Variants in EIF4G2 observed in about 807,000 individuals in gnomAD.
EIF4G2 encodes the protein eukaryotic translation initiation factor 4 gamma 2, also known as DAP-5.
In EIF4G2, 8 loss-of-function variants were observed where a neutral mutation model predicts 117.7. The observed-to-expected ratio is 0.07, with a 90% CI of 0.04 to 0.12. The LOEUF is 0.12. EIF4G2 is among the 10% of genes least tolerant of loss of function. EIF4G2 has a pLI of 1.00. For missense variants in EIF4G2, 812 were observed against 1,086.2 expected (o/e 0.75, Z 3.55); for synonymous variants, 413 against 367.8 (o/e 1.12, Z -1.41).
At position 10,805,925 on chromosome 11, in the gene EIF4G2, A is replaced by G; in HGVS notation, c.230T>C (p.Ile77Thr). The G allele has an allele frequency of 6.2e-7, 1 of 1,614,172 alleles. No individual in the cohort carries two copies. The highest frequency in any genetic ancestry group is 8.5e-7 in the Non-Finnish European group (1 of 1,180,032). Reference sequence around the variant, plus strand: ...AACTTACCCTCTTACTTTCCTGAAGATTGCATCATGTCGTTCTTTTTCGTT... The same window carrying G: ...AACTTACCCTCTTACTTTCCTGAAGGTTGCATCATGTCGTTCTTTTTCGTT... Residue 77 changes from isoleucine (I) to threonine (T), a missense_variant, in exon 4 of 22, where the codon ATC becomes ACC. Physicochemically the swap from Ile to Thr is moderately conservative, Grantham distance 89. This residue lies in a region of EIF4G2 where 154 missense variants were observed against 322.1 expected (regional missense o/e 0.48). Coordinates refer to ENST00000339995, the MANE Select transcript of EIF4G2 (RefSeq NM_001418.4).
At position 10,808,918 on chromosome 11, in the gene EIF4G2, A is replaced by G. The variant is rs1203826762; in HGVS notation, c.-300T>C. The G allele has an allele frequency of 6.5e-6, 1 of 154,508 alleles. No individual in the cohort carries two copies. The highest frequency in any genetic ancestry group is 1.9e-4 in the East Asian group (1 of 5,184). The allele number at this position is 154,508 out of a possible 1,614,324, so 9.6% of individuals were successfully genotyped here. A position where few individuals can be genotyped will look rare whatever the true frequency, so the allele number is the denominator to read the frequency against. On this transcript the variant is annotated 5_prime_UTR_variant, in exon 1 of 22. Transcript: ENST00000339995. ...TGCCACCTCCATAGAGCTCCGACTC[A>G]CTGCTGGCGCTAAGGCGTGTCTGAA...
At position 10,803,440 on chromosome 11, in the gene EIF4G2, G is replaced by A. The variant is rs552839343; in HGVS notation, c.813+40C>T. The A allele has an allele frequency of 3.1e-6, 5 of 1,588,186 alleles. No homozygotes were observed. The highest frequency in any genetic ancestry group is 2.2e-5 in the South Asian group (2 of 90,250). The stretch of plus-strand genomic sequence containing the variant: ...ACAAAAATCAATAGCTTGATTTAAA[G>A]ACAAACTACTTGTACTACTTTCATC... On this transcript the variant is annotated intron_variant, in intron 9 of 21. Transcript: ENST00000339995. This position sits in a 1 kb window ranked among gnomAD's most constrained non-coding sequence, Gnocchi z 4.0.
intron 1 of EIF4G2, 125 bp downstream of exon 1, chr11:10,808,580 C>CT (rs1847665458): frequency 1.1e-6 from 1 of 942,708 alleles, no homozygotes; most frequent in Non-Finnish European, 1.3e-6. Context: ...AGAGGAAATG[C>CT]TAAAAAAGGG....
At chr11:10,801,328 AAT>A (rs1289688664) in intron 14 of EIF4G2, 2 of 636,296 alleles carry the variant, frequency 3.1e-6, no homozygotes, top group African/African-American at 3.6e-5. Context: ...GCATGACTAA[AAT>A]ATTCAAATAA....
chr11:10,804,469 C>T (rs2135416729), intron 5 of EIF4G2, 51 bp from the exon 6 acceptor site: 3 of 1,527,324 alleles, frequency 2.0e-6, no homozygotes, highest in Non-Finnish European at 1.8e-6. Context: ...CTCCAAGAAC[C>T]CTTCCTTTAG....
In EIF4G2 at chr11:10,800,570, A is replaced by T; in HGVS notation, c.1722T>A (p.Pro574=). 1 of 1,614,194 alleles carries T rather than the reference A, an allele frequency of 6.2e-7. No homozygotes were observed. Among genetic ancestry groups the T allele is most frequent in the South Asian group, 1.1e-5 (1 of 91,084 alleles). The stretch of plus-strand genomic sequence containing the variant: ...TTAACATCTCAGGAAGAAAGTGTTT[A>T]GGAGCCCTCATTTCTCTTACACCAT... The change falls in exon 17 of 22, where the codon CCT becomes CCA. Residue 574 remains proline (P), a synonymous_variant. Coordinates refer to ENST00000339995, the MANE Select transcript of EIF4G2 (RefSeq NM_001418.4).
At chr11:10,802,773 A>G (rs1847464712) in intron 11 of EIF4G2, among the ~76,000 whole-genome samples, 1 of 152,220 alleles carries the variant, frequency 6.6e-6, no homozygotes, top group Non-Finnish European at 1.5e-5. Context: ...AGGCTGAAGC[A>G]GGAGAATCAC....
At chr11:10,801,306 C>T in intron 14 of EIF4G2, 1 of 644,850 alleles carries the variant, frequency 1.6e-6, no homozygotes, top group East Asian at 2.8e-5. Context: ...ATCTTACATT[C>T]TCTTAGAATT....
rs760123116 is a variant in EIF4G2, at chr11:10,807,368, G to A, written c.-73C>T. On this transcript the variant is annotated 5_prime_UTR_variant, in exon 2 of 22. Coordinates refer to ENST00000339995, the MANE Select transcript of EIF4G2 (RefSeq NM_001418.4). The stretch of plus-strand genomic sequence containing the variant: ...ATGGGGTGGGGAGGGGAGGGGACAG[G>A]AGAAATGAAATACCTGGAACGAGAA... 5 of 1,604,154 alleles carry A rather than the reference G, an allele frequency of 3.1e-6. No homozygotes were observed. In the East Asian group the frequency reaches 8.9e-5, roughly 29 times the overall value.
At chr11:10,802,993 G>A (rs10743150) in intron 11 of EIF4G2, 37 bp downstream of exon 11, 1,473,218 of 1,585,404 alleles carry the variant, frequency 0.93, 684,858 homozygotes, top group East Asian at 0.98. Context: ...TACACACACA[G>A]AGTCTATGTG....
At chr11:10,805,520 G>C (rs549033926) in intron 4 of EIF4G2, among the ~76,000 whole-genome samples, 9 of 151,752 alleles carry the variant, frequency 5.9e-5, no homozygotes, top group African/African-American at 1.9e-4. Context: ...GCGTGATCTC[G>C]GCTCACTGCA....
chr11:10,801,846 G>A (rs1235041003), intron 13 of EIF4G2, 72 bp from the exon 14 acceptor site: 23 of 1,422,218 alleles, frequency 1.6e-5, no homozygotes, highest in Admixed American at 1.9e-5. Context: ...AGTACCAAAG[G>A]GATGAGCCAA....
chr11:10,798,444 G>GC (rs1847323818), intron 21 of EIF4G2, among the ~76,000 whole-genome samples: 1 of 152,082 alleles, frequency 6.6e-6, no homozygotes, highest in Non-Finnish European at 1.5e-5. Context: ...CCAGACTAGA[G>GC]TGCAGTGGTG....
Position 10,807,202 on chromosome 11 carries a change from C to G in EIF4G2, c.41+53G>C, listed in dbSNP as rs1322352590. 2.5e-6 allele frequency: 4 copies of G among 1,574,494 alleles called. No individual in the cohort carries two copies. In the East Asian group the frequency reaches 9.0e-5, roughly 35 times the overall value. On this transcript the variant is annotated intron_variant, in intron 2 of 21. Coordinates refer to ENST00000339995, the MANE Select transcript of EIF4G2 (RefSeq NM_001418.4). Reference sequence around the variant, plus strand: ...TCGGACTTATTTGCTGTGTTAACTACTTTTTGAGACTGGCCTTTTCAAAAG... The same window carrying G: ...TCGGACTTATTTGCTGTGTTAACTAGTTTTTGAGACTGGCCTTTTCAAAAG...
At chr11:10,806,517 G>T in intron 3 of EIF4G2, 1 of 372,034 alleles carries the variant, frequency 2.7e-6, no homozygotes, top group African/African-American at 2.0e-5. Flanking sequence ...TGACCATGTT[G>T]AGTGCGTACT....
At chr11:10,798,068 A>C (rs1241145886) in intron 21 of EIF4G2, among the ~76,000 whole-genome samples, 187 bp from the exon 22 acceptor site, 2 of 152,216 alleles carry the variant, frequency 1.3e-5, no homozygotes, top group Non-Finnish European at 2.9e-5. Context: ...TAAAGATTTA[A>C]TCCTGCAAGG....
At chr11:10,799,174 A>T in intron 20 of EIF4G2, 39 bp downstream of exon 20, 1 of 1,612,672 alleles carries the variant, frequency 6.2e-7, no homozygotes, top group Non-Finnish European at 8.5e-7. Flanking sequence ...TCTGTTTAAG[A>T]ACTTCCTCAC....
chr11:10,806,709 G>A (rs961486589), intron 3 of EIF4G2, 111 bp downstream of exon 3: 8 of 1,179,716 alleles, frequency 6.8e-6, no homozygotes, highest in Admixed American at 2.0e-5. Flanking sequence ...CAGAAACCAC[G>A]CCCCTTAAGA....
Position 10,806,892 on chromosome 11 carries a change from A to G in EIF4G2, c.42-7T>C, listed in dbSNP as rs369530299. 10 of 1,613,634 alleles carry G rather than the reference A, an allele frequency of 6.2e-6. No individual in the cohort carries two copies. In the African/African-American group the frequency reaches 1.1e-4, roughly 17 times the overall value. On this transcript the variant is annotated splice_region_variant and splice_polypyrimidine_tract_variant and intron_variant, in intron 2 of 21. Transcript: ENST00000339995. ...TCCTCCGCCCGAAGAAGCACTATTT[A>G]AAAGAAAAAAATTGTTTACTGTATC...
Sources: allele counts gnomAD v4.1 joint callset (sites outside exome capture counted in the v4.1 genomes callset), GRCh38; gene constraint gnomAD v4.1.1; regional missense constraint gnomAD v4.1.1; non-coding constraint Gnocchi (gnomAD v3.1); transcripts MANE v1.5; gene names NCBI Gene and HGNC (gene_info 2026-07-23, HGNC 2026-07-21).